GRIK2: variants seen among roughly 807,000 people sequenced by gnomAD.
GRIK2 encodes glutamate receptor ionotropic, kainate 2.
Under a neutral mutation model 100.3 loss-of-function variants are expected in GRIK2, and 32 were observed. That is an observed-to-expected ratio of 0.32 (90% CI 0.24 to 0.43). The LOEUF (loss-of-function observed/expected upper bound fraction) is 0.43. GRIK2 is among the 20% of genes least tolerant of loss of function. The pLI, the probability that GRIK2 is intolerant of heterozygous loss-of-function variation, is 1.00. For synonymous variants in GRIK2, 417 were observed against 389.4 expected (o/e 1.07, Z -0.83); for missense variants, 843 against 1,114.9 (o/e 0.76, Z 3.47).
In GRIK2 at chr6:101,806,550, T is replaced by C. The variant is rs116746670; in HGVS notation, c.1203+4112T>C. On this transcript the variant is annotated intron_variant, in intron 9 of 16. Coordinates refer to ENST00000369134, the MANE Select transcript of GRIK2 (RefSeq NM_021956.5). ...TCATAGATTCTCATTGTGTTTTGAA[T>C]AAAATCCAAAGCACCAGTGACCTCT... Among the ~76,000 whole-genome samples, 1,044 of 151,952 alleles carry C rather than the reference T, an allele frequency of 6.9e-3. 16 individuals are homozygous for C. Among genetic ancestry groups the C allele is most frequent in the African/African-American group, 0.023 (963 of 41,468 alleles).
chr6:101,729,872 T>C lies in GRIK2; in HGVS notation c.951+43519T>C, dbSNP rs538703055. Among the ~76,000 whole-genome samples, 12 of 152,080 alleles carry C rather than the reference T, an allele frequency of 7.9e-5. No individual in the cohort carries two copies. In the Middle Eastern group the frequency reaches 0.01, roughly 129 times the overall value. On this transcript the variant is annotated intron_variant, in intron 7 of 16. Coordinates refer to ENST00000369134, the MANE Select transcript of GRIK2 (RefSeq NM_021956.5). ...TTTTTAAGCATTACTTTTAACAATA[T>C]TTTTAAAAATAGTCAAAAACCACAG...
chr6:101,800,162 A>G (rs1314495965), intron 8 of GRIK2, among the ~76,000 whole-genome samples: 1 of 152,038 alleles, frequency 6.6e-6, no homozygotes, highest in African/African-American at 2.4e-5. Flanking sequence ...TGAGGCTTCA[A>G]GTATAGTTAT....
chr6:101,794,170 G>C (rs1419359724), intron 7 of GRIK2, among the ~76,000 whole-genome samples: 1 of 152,082 alleles, frequency 6.6e-6, no homozygotes. Context: ...TCCTGAGTGA[G>C]GCAATGCCTC....
chr6:101,701,921 C>T (rs1482703751), intron 7 of GRIK2, among the ~76,000 whole-genome samples: 1 of 151,862 alleles, frequency 6.6e-6, no homozygotes, highest in Non-Finnish European at 1.5e-5. Flanking sequence ...CCCACCTTCC[C>T]CTAACCGATT....
At chr6:101,729,691 AAGAGAGAG>A (rs150655159) in intron 7 of GRIK2, among the ~76,000 whole-genome samples, 1 of 149,746 alleles carries the variant, frequency 6.7e-6, no homozygotes, top group African/African-American at 2.4e-5. Flanking sequence ...GTGGTGTGGG[AAGAGAGAG>A]AGAGAGAGAG....
At position 102,068,618 on chromosome 6, in the gene GRIK2, C is replaced by T. The variant is rs919501740; in HGVS notation, c.*107C>T. On this transcript the variant is annotated 3_prime_UTR_variant, in exon 17 of 17. Transcript: ENST00000369134. ...AACCTGTGCAAAATAAAATGAGTTA[C>T]CTCATGCCGCTGTGTCTATGAACTA... The T allele has an allele frequency of 1.2e-6, 1 of 864,672 alleles. No homozygotes were observed. Among genetic ancestry groups the T allele is most frequent in the Non-Finnish European group, 1.8e-6 (1 of 556,060 alleles). The allele number at this position is 864,672 out of a possible 1,614,324, so 53.6% of individuals were successfully genotyped here.
chr6:102,005,068 C>T (rs1795140386), intron 14 of GRIK2, among the ~76,000 whole-genome samples: 1 of 151,454 alleles, frequency 6.6e-6, no homozygotes. Context: ...TATTTTGTTA[C>T]TCCTGAATTT....
intron 2 of GRIK2, among the ~76,000 whole-genome samples, chr6:101,485,971 G>A (rs1011756563): frequency 2.7e-5 from 4 of 150,278 alleles, no homozygotes; most frequent in African/African-American, 9.8e-5. Context: ...CTGGTGGTAT[G>A]TCTATAAAGC....
At chr6:101,429,007 T>G (rs1225551787) in intron 2 of GRIK2, among the ~76,000 whole-genome samples, 2 of 152,252 alleles carry the variant, frequency 1.3e-5, no homozygotes, top group Non-Finnish European at 2.9e-5. Flanking sequence ...TTTAATTAAC[T>G]ACAACTTTAA....
At chr6:101,853,702 G>A (rs1784266218) in intron 10 of GRIK2, among the ~76,000 whole-genome samples, 1 of 152,068 alleles carries the variant, frequency 6.6e-6, no homozygotes, top group Non-Finnish European at 1.5e-5. Context: ...TTCTCCAGTG[G>A]GTGAGTGGAC....
chr6:101,805,669 C>G (rs902049114), intron 9 of GRIK2, among the ~76,000 whole-genome samples: 2 of 151,842 alleles, frequency 1.3e-5, no homozygotes, highest in African/African-American at 4.8e-5. Context: ...ATAGAGGAAA[C>G]CTGCCAATAA....
intron 7 of GRIK2, among the ~76,000 whole-genome samples, chr6:101,727,402 A>G (rs923460720): frequency 1.3e-5 from 2 of 152,060 alleles, no homozygotes; most frequent in African/African-American, 2.4e-5. Context: ...TGTACTTTAA[A>G]CAATAAATTA....
chr6:101,923,527 G>C (rs930395799), intron 12 of GRIK2, among the ~76,000 whole-genome samples: 5 of 152,098 alleles, frequency 3.3e-5, no homozygotes, highest in Non-Finnish European at 5.9e-5. Context: ...AATTAGATTT[G>C]ATTTTTTAAA....
chr6:101,997,345 G>A (rs1051627596), intron 14 of GRIK2, among the ~76,000 whole-genome samples: 4 of 151,934 alleles, frequency 2.6e-5, no homozygotes, highest in Admixed American at 1.3e-4. Context: ...CCACTCTAAC[G>A]TACATTAGTG....
intron 4 of GRIK2, among the ~76,000 whole-genome samples, chr6:101,666,841 G>C (rs528260321): frequency 6.8e-4 from 103 of 152,250 alleles, no homozygotes; most frequent in Non-Finnish European, 1.1e-3. Context: ...TTGAGATCAA[G>C]TAGGGCCTGT....
At chr6:101,420,858 T>G (rs1393788589) in intron 2 of GRIK2, among the ~76,000 whole-genome samples, 1 of 152,160 alleles carries the variant, frequency 6.6e-6, no homozygotes, top group Non-Finnish European at 1.5e-5. Flanking sequence ...ACCAAAAGAA[T>G]GAAATGTTTA....
intron 2 of GRIK2, among the ~76,000 whole-genome samples, chr6:101,456,021 A>T (rs1400205425): frequency 1.3e-5 from 2 of 151,980 alleles, no homozygotes; most frequent in African/African-American, 4.8e-5. Flanking sequence ...TTGATTCATG[A>T]ACTTGATCTG....
rs181414259 is a variant in GRIK2, at chr6:101,948,034, A to T, written c.2085+19402A>T. On this transcript the variant is annotated intron_variant, in intron 14 of 16. Transcript: ENST00000369134. ...GAATATTTGACAAATGTTTATTTTTAAAAAATGGCCTCTAATCTCAGTTTG... is the reference window on the plus strand; with the variant it reads ...GAATATTTGACAAATGTTTATTTTTTAAAAATGGCCTCTAATCTCAGTTTG... 7.7e-4 allele frequency among the ~76,000 whole-genome samples: 118 copies of T among 152,304 alleles called. No individual in the cohort carries two copies. The South Asian group carries it at 8.3e-3, about 11-fold the overall frequency.
At chr6:101,568,156 T>G (rs1464742836) in intron 2 of GRIK2, among the ~76,000 whole-genome samples, 3 of 151,956 alleles carry the variant, frequency 2.0e-5, no homozygotes, top group Non-Finnish European at 4.4e-5. Context: ...TAAACATAAG[T>G]GTTAATCTTT....
Sources: gnomAD v4.1 joint callset for allele counts (sites outside exome capture counted in the v4.1 genomes callset) on GRCh38, gnomAD v4.1.1 for gene constraint, MANE v1.5 for transcripts, NCBI Gene and HGNC (gene_info 2026-07-23, HGNC 2026-07-21) for gene names.